TMEM51: variants seen among roughly 807,000 people sequenced by gnomAD.
TMEM51 encodes chromosome 1 open reading frame 72.
TMEM51 carries 8 observed loss-of-function variants against 13.6 expected under a neutral mutation model. The ratio of observed to expected loss-of-function variants is 0.59; its 90% confidence interval spans 0.35 to 1.07. TMEM51 has a LOEUF of 1.07. TMEM51 is among the 50% of genes least tolerant of loss of function. TMEM51 has a pLI of 0.02. For synonymous variants in TMEM51, 147 were observed against 144.4 expected (o/e 1.02, Z -0.13); for missense variants, 279 against 330.7 (o/e 0.84, Z 1.21).
intron 1 of TMEM51, among the ~76,000 whole-genome samples, chr1:15,167,412 A>C (rs1343390986): frequency 6.6e-6 from 1 of 151,376 alleles, no homozygotes; most frequent in Non-Finnish European, 1.5e-5. Context: ...AATGTGCAGG[A>C]CGACAGTTTA....
chr1:15,186,379 C>A lies in TMEM51; in HGVS notation c.-266-24111C>A, dbSNP rs761295. Among the ~76,000 whole-genome samples, 1,185 of 152,054 alleles carry A rather than the reference C, an allele frequency of 7.8e-3. 8 individuals carry two copies. The highest frequency in any genetic ancestry group is 0.011 in the Non-Finnish European group (771 of 67,986). On this transcript the variant is annotated intron_variant, in intron 1 of 3. Coordinates refer to ENST00000376008, the MANE Select transcript of TMEM51 (RefSeq NM_001136218.2). ...GGTACAGTGAGGAATAACAGTCTAC[C>A]CCAGAATGGCAGCAGTGAAAACAGA...
chr1:15,218,925 G>T (rs1419018398), intron 3 of TMEM51, among the ~76,000 whole-genome samples: 1 of 152,138 alleles, frequency 6.6e-6, no homozygotes, highest in East Asian at 1.9e-4. Flanking sequence ...GCCAACTCAG[G>T]GTGTACTGCC....
intron 1 of TMEM51, among the ~76,000 whole-genome samples, chr1:15,199,428 C>T (rs796797299): frequency 1.3e-5 from 2 of 152,158 alleles, no homozygotes; most frequent in African/African-American, 4.8e-5. Context: ...AGCCACCACA[C>T]CCGGTCAGTT....
intron 1 of TMEM51, chr1:15,171,105 A>ACCCCCCCCCCCCTCCC (rs1557835615): frequency 5.1e-6 from 2 of 392,032 alleles, no homozygotes; most frequent in South Asian, 2.0e-5. Flanking sequence ...CTCCTCCTCC[A>ACCCCCCCCCCCCTCCC]CCCCCCGCCA....
At chr1:15,189,859 GC>G (rs1643892513) in intron 1 of TMEM51, among the ~76,000 whole-genome samples, 1 of 152,366 alleles carries the variant, frequency 6.6e-6, no homozygotes, top group Admixed American at 6.5e-5. Flanking sequence ...GCCTCAGGCA[GC>G]CCCGTGAGCC....
chr1:15,171,213 G>A, intron 1 of TMEM51: 1 of 1,303,068 alleles, frequency 7.7e-7, no homozygotes, highest in Non-Finnish European at 1.0e-6. Flanking sequence ...CTGTTGATTT[G>A]GGGCCACGCC....
Position 15,219,405 on chromosome 1 carries a change from T to A in TMEM51, c.424T>A (p.Tyr142Asn). 1 of 1,612,826 alleles carries A rather than the reference T, an allele frequency of 6.2e-7. No individual in the cohort carries two copies. Among genetic ancestry groups the A allele is most frequent in the Admixed American group, 1.7e-5 (1 of 59,990 alleles). ...CTACGAGGAAGTGATGAACACAAAC[T>A]ACTCAGAAGCAAGGGGAGAGGAGCA... The part of the protein sequence containing the change: ...PSYEEVMNTN[Y>N]SEARGEEQNP... Residue 142 changes from tyrosine to asparagine, a missense_variant, in exon 4 of 4, where the codon TAC becomes AAC. Tyr to Asn is a moderately radical substitution (Grantham distance 143). Coordinates refer to ENST00000376008, the MANE Select transcript of TMEM51 (RefSeq NM_001136218.2).
intron 1 of TMEM51, among the ~76,000 whole-genome samples, chr1:15,163,300 A>G (rs1249775829): frequency 6.6e-6 from 1 of 152,076 alleles, no homozygotes; most frequent in Non-Finnish European, 1.5e-5. Flanking sequence ...CCCCTTCCCT[A>G]TGCTGGCAGG....
chr1:15,219,557 T>C lies in TMEM51; in HGVS notation c.576T>C (p.Ser192=). ...GGAACCCCCCTGACAGGCAGAACTCTAAGTTGGCCAAACGACTGAAACCGC... is the reference window on the plus strand; with the variant it reads ...GGAACCCCCCTGACAGGCAGAACTCCAAGTTGGCCAAACGACTGAAACCGC... ...SPGNPPDRQN[S]KLAKRLKPLK... is the part of the protein sequence containing the mutation. Residue 192 remains serine (S), a synonymous_variant, in exon 4 of 4, where the codon TCT becomes TCC. Coordinates refer to ENST00000376008, the MANE Select transcript of TMEM51 (RefSeq NM_001136218.2). 1 of 1,614,024 alleles carries C rather than the reference T, an allele frequency of 6.2e-7. No individual in the cohort carries two copies. The highest frequency in any genetic ancestry group is 1.3e-5 in the African/African-American group (1 of 75,002).
intron 3 of TMEM51, among the ~76,000 whole-genome samples, chr1:15,219,023 T>C (rs920876673): frequency 3.9e-5 from 6 of 152,174 alleles, no homozygotes; most frequent in Non-Finnish European, 8.8e-5. Flanking sequence ...AATTCCTTCC[T>C]TGATGAAGCC....
chr1:15,165,178 C>G (rs1438304516), intron 1 of TMEM51, among the ~76,000 whole-genome samples: 1 of 152,104 alleles, frequency 6.6e-6, no homozygotes, highest in Non-Finnish European at 1.5e-5. Flanking sequence ...AGGCCAGGCA[C>G]AGTGGCTGAC....
chr1:15,205,507 C>T (rs1644234076), intron 1 of TMEM51, among the ~76,000 whole-genome samples: 4 of 152,234 alleles, frequency 2.6e-5, no homozygotes, highest in Admixed American at 2.6e-4. Flanking sequence ...TATCTTCCTT[C>T]TCCCTGCCCT....
chr1:15,171,028 A>G (rs1411618340), intron 1 of TMEM51, among the ~76,000 whole-genome samples: 1 of 151,962 alleles, frequency 6.6e-6, no homozygotes, highest in African/African-American at 2.4e-5. Flanking sequence ...GTGGTTCTCC[A>G]TCTTCAGCTT....
chr1:15,192,155 G>T, intron 1 of TMEM51: 1 of 429,624 alleles, frequency 2.3e-6, no homozygotes, highest in Admixed American at 2.6e-5. Flanking sequence ...TTCATAGACC[G>T]TGCCCTCTTT....
intron 1 of TMEM51, among the ~76,000 whole-genome samples, chr1:15,159,659 C>T (rs771966971): frequency 7.9e-5 from 12 of 152,136 alleles, no homozygotes; most frequent in Non-Finnish European, 1.3e-4. Flanking sequence ...CAGGTTCAAG[C>T]GATTCTCCTA....
intron 1 of TMEM51, among the ~76,000 whole-genome samples, chr1:15,196,211 G>A (rs539238420): frequency 6.6e-6 from 1 of 152,194 alleles, no homozygotes; most frequent in Non-Finnish European, 1.5e-5. Flanking sequence ...CTCAGCTGGA[G>A]ACCTGCCGTG....
chr1:15,179,226 G>C (rs1643539725), intron 1 of TMEM51, among the ~76,000 whole-genome samples: 1 of 152,162 alleles, frequency 6.6e-6, no homozygotes, highest in African/African-American at 2.4e-5. Flanking sequence ...GGTATTTATA[G>C]AGAGAAAGGC....
chr1:15,159,337 C>T lies in TMEM51; in HGVS notation c.-267+5383C>T, dbSNP rs576889197. On this transcript the variant is annotated intron_variant, in intron 1 of 3. Coordinates refer to ENST00000376008, the MANE Select transcript of TMEM51 (RefSeq NM_001136218.2). ...AATCTGCAGATGTAGACCCTTGACC[C>T]CTCCACAAATGAGCGACTCAAAACA... 2.2e-4 allele frequency among the ~76,000 whole-genome samples: 34 copies of T among 152,260 alleles called. No individual in the cohort carries two copies. The South Asian group carries it at 6.2e-3, about 28-fold the overall frequency.
chr1:15,158,672 C>G (rs1255210917), intron 1 of TMEM51, among the ~76,000 whole-genome samples: 1 of 152,150 alleles, frequency 6.6e-6, no homozygotes, highest in African/African-American at 2.4e-5. Flanking sequence ...AGGTAGGACA[C>G]CCCATTCTGG....
Sources: gnomAD v4.1 joint callset for allele counts (sites outside exome capture counted in the v4.1 genomes callset) on GRCh38, gnomAD v4.1.1 for gene constraint, MANE v1.5 for transcripts, NCBI Gene and HGNC (gene_info 2026-07-23, HGNC 2026-07-21) for gene names.